The following RFWD3 variants were observed in gnomAD, a reference collection of about 807,000 sequenced individuals.
RFWD3 encodes the protein ring finger and WD repeat domain 3, also known as E3 ubiquitin-protein ligase RFWD3.
A neutral mutation model predicts 87.7 loss-of-function variants in RFWD3; 65 were observed. The ratio of observed to expected loss-of-function variants is 0.74; its 90% CI spans 0.61 to 0.91. The LOEUF (loss-of-function observed/expected upper bound fraction) is 0.91. RFWD3 is among the 40% of genes least tolerant of loss of function. The pLI is 0.00. For synonymous variants in RFWD3, 433 were observed against 352.8 expected, an observed-to-expected ratio of 1.23 and a Z score of -2.55; for missense variants, 1,078 against 938.5, an observed-to-expected ratio of 1.15 and a Z score of -1.94.
At chr16:74,630,734 C>T in intron 10 of RFWD3, 47 bp downstream of exon 10, 2 of 1,511,498 alleles carry the variant, frequency 1.3e-6, no homozygotes, top group Non-Finnish European at 1.8e-6. Flanking sequence ...CAATAATAAG[C>T]CAAGAGAAAG....
At chr16:74,638,218 A>G (rs80043761) in intron 6 of RFWD3, among the ~76,000 whole-genome samples, 1 of 152,234 alleles carries the variant, frequency 6.6e-6, no homozygotes, top group Non-Finnish European at 1.5e-5. Flanking sequence ...AAACGAGAGA[A>G]CAGAGCTAAT....
intron 3 of RFWD3, among the ~76,000 whole-genome samples, chr16:74,651,231 A>G (rs1960538182): frequency 6.6e-6 from 1 of 152,226 alleles, no homozygotes; most frequent in Non-Finnish European, 1.5e-5. Flanking sequence ...CGACTATTAA[A>G]TAAAGTTCCA....
chr16:74,644,847 G>C (rs1221726048), intron 4 of RFWD3, 112 bp from the exon 5 acceptor site: 5 of 951,122 alleles, frequency 5.3e-6, no homozygotes, highest in Non-Finnish European at 7.8e-6. Flanking sequence ...CAATCAAAAG[G>C]GCTACAGAAC....
intron 2 of RFWD3, among the ~76,000 whole-genome samples, chr16:74,654,496 C>T (rs1960817125): frequency 6.6e-6 from 1 of 152,056 alleles, no homozygotes; most frequent in African/African-American, 2.4e-5. Flanking sequence ...ACCAGCCATT[C>T]CCCTCCCTCC....
intron 12 of RFWD3, among the ~76,000 whole-genome samples, chr16:74,625,741 T>C (rs1167397151): frequency 6.6e-6 from 1 of 152,196 alleles, no homozygotes; most frequent in Non-Finnish European, 1.5e-5. Flanking sequence ...CACTATACAA[T>C]ATGGTGGCCT....
Position 74,644,400 on chromosome 16 carries a change from C to A in RFWD3, c.1041G>T (p.Leu347=). 2 of 1,614,186 alleles carry A rather than the reference C, an allele frequency of 1.2e-6. No individual in the cohort carries two copies. The highest frequency in any genetic ancestry group is 8.5e-7 in the Non-Finnish European group (1 of 1,180,036). ...CCTGTTCACTAGTGTCCAAAGCTCTCAGGGTTCGGGCATAAAGGACGACAA... is the reference window on the plus strand; with the variant it reads ...CCTGTTCACTAGTGTCCAAAGCTCTAAGGGTTCGGGCATAAAGGACGACAA... ...SDIVVLYART[L]RALDTSEQER... is the part of the protein sequence containing the mutation. Residue 347 remains leucine, a synonymous_variant, in exon 6 of 13, where the codon CTG becomes CTT. Coordinates refer to ENST00000361070, the MANE Select transcript of RFWD3 (RefSeq NM_018124.4).
intron 9 of RFWD3, 148 bp from the exon 10 acceptor site, chr16:74,631,105 A>C (rs1959079369): frequency 1.5e-6 from 1 of 665,228 alleles, no homozygotes; most frequent in Non-Finnish European, 2.3e-6. Context: ...TTTTTCTAGA[A>C]TCTGCCCAGG....
At chr16:74,625,181 C>A (rs1421595617) in intron 12 of RFWD3, among the ~76,000 whole-genome samples, 13 of 132,696 alleles carry the variant, frequency 9.8e-5, no homozygotes, top group East Asian at 2.2e-4. Context: ...GCCTGGGCAA[C>A]AGAGCAAGAC....
rs1961197363 is a variant in RFWD3 at position 74,658,771 on chromosome 16, T to TC, written c.518+2160_518+2161insG. On this transcript the variant is annotated intron_variant, in intron 2 of 12. Coordinates refer to ENST00000361070, the MANE Select transcript of RFWD3 (RefSeq NM_018124.4). ...TTCCCTGAGCAGATTCTATAATTTTTTTTTTTTTTTTTTGAGACAGAGAGT... is the reference window on the plus strand; with the variant it reads ...TTCCCTGAGCAGATTCTATAATTTTTCTTTTTTTTTTTTTGAGACAGAGAGT... Among the ~76,000 whole-genome samples, 4 of 151,604 alleles carry TC rather than the reference T, an allele frequency of 2.6e-5. No individual in the cohort carries two copies. The South Asian group carries it at 8.3e-4, about 32-fold the overall frequency.
At chr16:74,643,983 A>C (rs1959899284) in intron 6 of RFWD3, 2 of 270,558 alleles carry the variant, frequency 7.4e-6, no homozygotes, top group South Asian at 8.8e-5. Flanking sequence ...GGCCCTAGCA[A>C]CTGTTTTGTG....
chr16:74,623,539 C>T lies in RFWD3; in HGVS notation c.*389G>A. The T allele has an allele frequency of 5.5e-6, 1 of 180,684 alleles. No homozygotes were observed. The highest frequency in any genetic ancestry group is 1.2e-4 in the South Asian group (1 of 8,134). The allele number at this position is 180,684 out of a possible 1,614,324, so 11.2% of individuals were successfully genotyped here. A position where few individuals can be genotyped will look rare whatever the true frequency, so the allele number is the denominator to read the frequency against. On this transcript the variant is annotated 3_prime_UTR_variant, in exon 13 of 13. Coordinates refer to ENST00000361070, the MANE Select transcript of RFWD3 (RefSeq NM_018124.4). Reference sequence around the variant, plus strand: ...CAAGGATACTTAAGTGACAGGACAACTCAGATGGGATGTCATATTCCCCAG... The same window carrying T: ...CAAGGATACTTAAGTGACAGGACAATTCAGATGGGATGTCATATTCCCCAG...
At chr16:74,659,271 ACAGTCAGC>A (rs1961244356) in intron 2 of RFWD3, among the ~76,000 whole-genome samples, 1 of 152,198 alleles carries the variant, frequency 6.6e-6, no homozygotes, top group African/African-American at 2.4e-5. Context: ...AGGCCTCCTG[ACAGTCAGC>A]CAGCTCCTGG....
intron 12 of RFWD3, 66 bp from the exon 13 acceptor site, chr16:74,624,137 A>G (rs1567563373): frequency 7.1e-6 from 11 of 1,541,398 alleles, no homozygotes; most frequent in East Asian, 4.7e-5. Flanking sequence ...TCCATTCTTC[A>G]TCATCTAACA....
Position 74,623,704 on chromosome 16 carries a change from T to A in RFWD3, c.*224A>T, listed in dbSNP as rs549038761. 1 of 466,670 alleles carries A rather than the reference T, an allele frequency of 2.1e-6. No homozygotes were observed. Among genetic ancestry groups the A allele is most frequent in the East Asian group, 3.6e-5 (1 of 27,954 alleles). 28.9% of individuals were successfully genotyped at this position (466,670 alleles called of 1,614,324 possible). Reference sequence around the variant, plus strand: ...GAAGGCTTTAAACCCAAGAAATGGATAATGTAGATAAAGTACCCATCAATT... The same window carrying A: ...GAAGGCTTTAAACCCAAGAAATGGAAAATGTAGATAAAGTACCCATCAATT... On this transcript the variant is annotated 3_prime_UTR_variant, in exon 13 of 13. Transcript: ENST00000361070.
In RFWD3 at chr16:74,626,042, C is replaced by T. The variant is rs139892316; in HGVS notation, c.2181+301G>A. Among the ~76,000 whole-genome samples the T allele has an allele frequency of 1.8e-4, 28 of 152,232 alleles. No individual in the cohort carries two copies. The East Asian group carries it at 4.8e-3, about 26-fold the overall frequency. ...CTCTACTAAAAATACAAAAATCAGT[C>T]GGGCATGGTGGTGGGGTGCCTGTAA... is the stretch of plus-strand genomic sequence containing the variant. On this transcript the variant is annotated intron_variant, in intron 12 of 12. Transcript: ENST00000361070.
At chr16:74,642,668 T>A (rs1004556902) in intron 6 of RFWD3, among the ~76,000 whole-genome samples, 5 of 152,114 alleles carry the variant, frequency 3.3e-5, no homozygotes, top group African/African-American at 1.2e-4. Flanking sequence ...ATTTTTTTCA[T>A]TTTTATTAGA....
intron 4 of RFWD3, among the ~76,000 whole-genome samples, chr16:74,645,726 T>G (rs8057095): frequency 0.033 from 4,885 of 150,008 alleles, 177 homozygotes; most frequent in African/African-American, 0.089. Context: ...CAGCCCATGA[T>G]CATAGTCACA....
intron 2 of RFWD3, among the ~76,000 whole-genome samples, chr16:74,659,688 C>T (rs951270790): frequency 1.3e-5 from 2 of 152,150 alleles, no homozygotes; most frequent in Non-Finnish European, 2.9e-5. Flanking sequence ...ACTACAGACA[C>T]TGGAGCCACA....
chr16:74,666,419 G>A (rs1221358452), intron 1 of RFWD3: 1 of 152,166 alleles, frequency 6.6e-6, no homozygotes, highest in African/African-American at 2.4e-5. Context: ...GGCGCTCAGA[G>A]CGGGCGCAGG....
Sources: gnomAD v4.1 joint callset for allele counts (sites outside exome capture counted in the v4.1 genomes callset) on GRCh38, gnomAD v4.1.1 for gene constraint, MANE v1.5 for transcripts, NCBI Gene and HGNC (gene_info 2026-07-23, HGNC 2026-07-21) for gene names.